Variants in NVL observed in about 807,000 individuals in gnomAD.
NVL encodes nuclear VCP like, also known as nuclear valosin-containing protein-like.
Under a neutral mutation model 110.2 loss-of-function variants are expected in NVL, and 84 were observed. That is an observed-to-expected ratio of 0.76 (90% CI 0.64 to 0.91). The LOEUF (loss-of-function observed/expected upper bound fraction) is 0.91. Among genes scored for constraint, NVL ranks in the 40% least tolerant of loss-of-function variants. The pLI is 0.00. For synonymous variants in NVL, 354 were observed against 361.1 expected (o/e 0.98, Z 0.22); for missense variants, 882 against 1,035.9 (o/e 0.85, Z 2.04).
At chr1:224,244,327 AT>A (rs1661556638) in intron 19 of NVL, among the ~76,000 whole-genome samples, 1 of 151,654 alleles carries the variant, frequency 6.6e-6, no homozygotes, top group African/African-American at 2.4e-5. Flanking sequence ...AGATCGCACC[AT>A]TGTACTCCAG....
chr1:224,269,026 T>C (rs1342172127), intron 17 of NVL, among the ~76,000 whole-genome samples: 1 of 152,108 alleles, frequency 6.6e-6, no homozygotes. Context: ...TTTATTTTAT[T>C]TTTAAAGCCA....
At chr1:224,294,152 T>A (rs1667642384) in intron 12 of NVL, 115 bp downstream of exon 12, 1 of 1,139,356 alleles carries the variant, frequency 8.8e-7, no homozygotes, top group African/African-American at 1.5e-5. Flanking sequence ...ATTTAATTGG[T>A]ACAAAAAGAA....
chr1:224,299,432 ACTCATT>A (rs984992529), intron 10 of NVL, among the ~76,000 whole-genome samples: 3 of 152,136 alleles, frequency 2.0e-5, no homozygotes, highest in South Asian at 2.1e-4. Context: ...GCTTTACTGG[ACTCATT>A]CTCATTAGCG....
chr1:224,232,939 A>G (rs762074044), intron 21 of NVL: 9 of 332,860 alleles, frequency 2.7e-5, no homozygotes, highest in Non-Finnish European at 4.3e-5. Context: ...AGCAGCCCAG[A>G]CTCATGATGA....
At chr1:224,247,340 G>T (rs1179745159) in intron 19 of NVL, among the ~76,000 whole-genome samples, 1 of 151,826 alleles carries the variant, frequency 6.6e-6, no homozygotes, top group Non-Finnish European at 1.5e-5. Context: ...CAAGTAGCTG[G>T]GACTACGGGT....
intron 21 of NVL, among the ~76,000 whole-genome samples, chr1:224,231,684 A>G (rs933171522): frequency 6.6e-6 from 1 of 152,196 alleles, no homozygotes; most frequent in African/African-American, 2.4e-5. Flanking sequence ...TTATGGAGCC[A>G]TAATATCATA....
intron 18 of NVL, among the ~76,000 whole-genome samples, chr1:224,263,609 C>T (rs1025525096): frequency 3.9e-5 from 6 of 152,038 alleles, no homozygotes; most frequent in African/African-American, 1.2e-4. Context: ...TCTCTTATCC[C>T]ACATCTAATT....
rs146483979 is a variant in NVL, at chr1:224,296,611, G to T, written c.1070C>A (p.Ala357Glu). The change falls in exon 11 of 23, where the codon GCA becomes GAA. Residue 357 changes from alanine (A) to glutamate (E), a missense_variant. By Grantham distance (107) the Ala-to-Glu change is moderately radical. Around this residue, in one of 4 missense-constraint regions of NVL, gnomAD observed 416 missense variants for 499.3 expected, o/e 0.83. Transcript: ENST00000281701. ...TTCATCAATGAAAATGATACATGGT[G>T]CATTTGACTAGAAATAAAAATATCA... is the stretch of plus-strand genomic sequence containing the variant. ...RELFEQAVSNAPCIIFIDEID... is the reference protein window; with the variant it reads ...RELFEQAVSNEPCIIFIDEID... The T allele has an allele frequency of 6.4e-7, 1 of 1,570,026 alleles. No homozygotes were observed. Among genetic ancestry groups the T allele is most frequent in the Non-Finnish European group, 8.7e-7 (1 of 1,152,908 alleles).
chr1:224,315,755 C>G (rs1285573862), intron 4 of NVL, among the ~76,000 whole-genome samples: 2 of 152,246 alleles, frequency 1.3e-5, no homozygotes, highest in East Asian at 3.8e-4. Flanking sequence ...ACTGTCCACA[C>G]AAAGACCTGG....
At position 224,227,611 on chromosome 1, in the gene NVL, C is replaced by A; in HGVS notation, c.*15G>T. 6.2e-7 allele frequency: 1 copy of A among 1,606,262 alleles called. No homozygotes were observed. The highest frequency in any genetic ancestry group is 1.1e-5 in the South Asian group (1 of 90,146). ...GCTTGATGGGCTAGCTCCTCTAAGC[C>A]GGCTGCTGGAGACATCACCGGCTGA... On this transcript the variant is annotated 3_prime_UTR_variant, in exon 23 of 23. Transcript: ENST00000281701.
intron 6 of NVL, 92 bp downstream of exon 6, chr1:224,307,899 A>C (rs1558340473): frequency 1.0e-5 from 13 of 1,280,562 alleles, no homozygotes; most frequent in Non-Finnish European, 1.4e-5. Flanking sequence ...TATGCCTTCC[A>C]CAAAACACAA....
chr1:224,307,156 A>G (rs1404226683), intron 6 of NVL, among the ~76,000 whole-genome samples: 1 of 152,176 alleles, frequency 6.6e-6, no homozygotes, highest in Non-Finnish European at 1.5e-5. Flanking sequence ...CTATTTTTTT[A>G]GTGAGTCTTC....
chr1:224,326,745 C>G (rs1671183606), intron 1 of NVL, among the ~76,000 whole-genome samples: 2 of 152,116 alleles, frequency 1.3e-5, no homozygotes, highest in South Asian at 4.1e-4. Flanking sequence ...TTTCCAAACA[C>G]CCCAGAACAC....
At chr1:224,263,159 G>C (rs761688721) in intron 18 of NVL, among the ~76,000 whole-genome samples, 1 of 152,164 alleles carries the variant, frequency 6.6e-6, no homozygotes, top group East Asian at 1.9e-4. Flanking sequence ...TACAGTTTTT[G>C]TTATAAGCTT....
chr1:224,269,544 G>C (rs1345130915), intron 17 of NVL, among the ~76,000 whole-genome samples: 1 of 152,124 alleles, frequency 6.6e-6, no homozygotes, highest in South Asian at 2.1e-4. Context: ...AGCTACCTCA[G>C]CAATATCTAA....
chr1:224,309,966 T>C (rs1362897351), intron 5 of NVL, among the ~76,000 whole-genome samples: 11 of 151,570 alleles, frequency 7.3e-5, no homozygotes, highest in Admixed American at 4.6e-4. Context: ...GAGGCAGAGG[T>C]TGCAGTGAGC....
At chr1:224,282,927 T>C (rs182205731) in intron 15 of NVL, among the ~76,000 whole-genome samples, 2 of 152,324 alleles carry the variant, frequency 1.3e-5, no homozygotes. Flanking sequence ...ATCTCTAGGT[T>C]TCTAGGTTCT....
intron 19 of NVL, among the ~76,000 whole-genome samples, chr1:224,237,328 C>A (rs1252568401): frequency 6.6e-6 from 1 of 152,194 alleles, no homozygotes; most frequent in Non-Finnish European, 1.5e-5. Flanking sequence ...GCACAAAGCA[C>A]TCTAAGCTCA....
chr1:224,289,160 C>T (rs1042070377), intron 13 of NVL: 8 of 266,370 alleles, frequency 3.0e-5, no homozygotes, highest in Non-Finnish European at 5.0e-5. Flanking sequence ...AAACAGACAA[C>T]ATGTATACAA....
Sources: allele counts gnomAD v4.1 joint callset (sites outside exome capture counted in the v4.1 genomes callset), GRCh38; gene constraint gnomAD v4.1.1; regional missense constraint gnomAD v4.1.1; transcripts MANE v1.5; gene names NCBI Gene and HGNC (gene_info 2026-07-23, HGNC 2026-07-21).